MALRD1: variants seen among roughly 807,000 people sequenced by gnomAD.
MALRD1 encodes the protein MAM and LDL-receptor class A domain-containing protein 1.
A neutral mutation model predicts 242.1 loss-of-function variants in MALRD1; 247 were observed. The ratio of observed to expected loss-of-function variants is 1.02; its 90% CI spans 0.92 to 1.13. The LOEUF is 1.13. Ranked by LOEUF, MALRD1 falls within the 50% of genes most tolerant of loss-of-function variation. The pLI is 0.00. For missense variants in MALRD1, 2,989 were observed against 2,533.1 expected, an observed-to-expected ratio of 1.18 and a Z score of -3.86; for synonymous variants, 995 against 866.6, an observed-to-expected ratio of 1.15 and a Z score of -2.60.
chr10:19,464,045 C>G (rs968000957), intron 29 of MALRD1, among the ~76,000 whole-genome samples: 1 of 152,058 alleles, frequency 6.6e-6, no homozygotes, highest in Non-Finnish European at 1.5e-5. Context: ...ATGTCCTTAG[C>G]CTACTTTTTG....
Position 19,340,848 on chromosome 10 carries a change from C to T in MALRD1, c.3902-6923C>T, listed in dbSNP as rs1279709012. Among the ~76,000 whole-genome samples the T allele has an allele frequency of 6.6e-5, 10 of 152,152 alleles. No homozygotes were observed. The East Asian group carries it at 1.4e-3, about 21-fold the overall frequency. ...AACTCACCTCTACTTAAATTTTGGT[C>T]TAGAGAGCATCAGCATCTTTGCCAG... On this transcript the variant is annotated intron_variant, in intron 24 of 39. Transcript: ENST00000454679.
intron 36 of MALRD1, among the ~76,000 whole-genome samples, chr10:19,632,334 A>G (rs1336724572): frequency 2.0e-5 from 3 of 152,104 alleles, no homozygotes; most frequent in Non-Finnish European, 4.4e-5. Context: ...TCCAGTTGCT[A>G]TCTTCCGTAG....
chr10:19,415,718 C>G (rs1833491006), intron 28 of MALRD1, among the ~76,000 whole-genome samples: 1 of 151,688 alleles, frequency 6.6e-6, no homozygotes. Context: ...TTTAAAAGAC[C>G]CTAGGACAGC....
chr10:19,279,978 T>G, intron 19 of MALRD1, 69 bp from the exon 20 acceptor site: 5 of 1,253,230 alleles, frequency 4.0e-6, no homozygotes, highest in Non-Finnish European at 4.2e-6. Flanking sequence ...CTTCATTGTG[T>G]AAAATCTCTA....
intron 1 of MALRD1, among the ~76,000 whole-genome samples, chr10:19,051,118 A>G (rs1028769950): frequency 5.3e-5 from 8 of 152,240 alleles, no homozygotes; most frequent in African/African-American, 1.7e-4. Context: ...ATCTGCAGAT[A>G]AAAATTGAGA....
At chr10:19,424,771 T>G (rs1482841056) in intron 28 of MALRD1, among the ~76,000 whole-genome samples, 1 of 152,266 alleles carries the variant, frequency 6.6e-6, no homozygotes, top group Non-Finnish European at 1.5e-5. Flanking sequence ...TCTCTAAGTC[T>G]TGATACAGCT....
At chr10:19,287,384 A>G (rs1046703844) in intron 21 of MALRD1, among the ~76,000 whole-genome samples, 1 of 151,782 alleles carries the variant, frequency 6.6e-6, no homozygotes, top group Non-Finnish European at 1.5e-5. Context: ...CCAAATTCCT[A>G]TTTCTCTCCC....
chr10:19,558,339 A>T (rs913845735), intron 32 of MALRD1, among the ~76,000 whole-genome samples: 1 of 152,104 alleles, frequency 6.6e-6, no homozygotes, highest in African/African-American at 2.4e-5. Flanking sequence ...GAAAATGGCT[A>T]GTTTTTCACT....
chr10:19,293,516 A>G (rs988336215), intron 21 of MALRD1, among the ~76,000 whole-genome samples: 6 of 152,192 alleles, frequency 3.9e-5, no homozygotes, highest in Non-Finnish European at 8.8e-5. Flanking sequence ...AAATTAAATC[A>G]CTTTAATTTT....
In MALRD1 at chr10:19,734,411, G is replaced by A; in HGVS notation, c.*174G>A. The A allele has an allele frequency of 2.0e-6, 1 of 490,288 alleles. No homozygotes were observed. Among genetic ancestry groups the A allele is most frequent in the Non-Finnish European group, 3.5e-6 (1 of 283,258 alleles). 30.4% of individuals were successfully genotyped at this position (490,288 alleles called of 1,614,324 possible). A position where few individuals can be genotyped will look rare whatever the true frequency, so the allele number is the denominator to read the frequency against. ...TGCAGAATATAGAGAATGTTTATAT[G>A]GAATCAGAATCAGTACCTTATCTTC... On this transcript the variant is annotated 3_prime_UTR_variant, in exon 40 of 40. Transcript: ENST00000454679.
intron 14 of MALRD1, among the ~76,000 whole-genome samples, chr10:19,186,323 G>A (rs998874404): frequency 2.0e-5 from 3 of 152,120 alleles, no homozygotes; most frequent in Admixed American, 2.0e-4. Context: ...TTCTGGTGAA[G>A]GCTCATCATT....
At chr10:19,102,513 C>T (rs530397001) in intron 4 of MALRD1, among the ~76,000 whole-genome samples, 2 of 151,940 alleles carry the variant, frequency 1.3e-5, no homozygotes, top group East Asian at 3.9e-4. Flanking sequence ...AAAGAATTTC[C>T]CATAGAAAAA....
chr10:19,272,939 C>T (rs1273604464), intron 19 of MALRD1, among the ~76,000 whole-genome samples: 1 of 152,130 alleles, frequency 6.6e-6, no homozygotes, highest in Admixed American at 6.6e-5. Context: ...CATTGATGGA[C>T]ATTTGGGTTG....
chr10:19,560,136 G>A (rs1278592077), intron 32 of MALRD1, among the ~76,000 whole-genome samples: 2 of 152,110 alleles, frequency 1.3e-5, no homozygotes, highest in Admixed American at 6.6e-5. Flanking sequence ...TCCCATTACT[G>A]GGTATATACC....
At chr10:19,216,629 T>C (rs562876300) in intron 18 of MALRD1, among the ~76,000 whole-genome samples, 1 of 152,264 alleles carries the variant, frequency 6.6e-6, no homozygotes, top group South Asian at 2.1e-4. Flanking sequence ...TTCATCCCCA[T>C]GTTATCAGTA....
rs562441192 is a variant in MALRD1 at position 19,199,593 on chromosome 10, G to A, written c.1952-4135G>A. Among the ~76,000 whole-genome samples, 25 of 152,198 alleles carry A rather than the reference G, an allele frequency of 1.6e-4. No individual in the cohort carries two copies. The East Asian group carries it at 4.5e-3, about 27-fold the overall frequency. ...AGGCGGGTGGATCACTTGAGGTCAG[G>A]AGTTCAAAACCAGCCTGGCCAACAT... On this transcript the variant is annotated intron_variant, in intron 14 of 39. Transcript: ENST00000454679.
intron 36 of MALRD1, among the ~76,000 whole-genome samples, chr10:19,672,639 A>T (rs749973844): frequency 4.1e-4 from 63 of 151,884 alleles, no homozygotes; most frequent in Non-Finnish European, 7.5e-4. Context: ...GGCCGGGCTG[A>T]AGTCGAACTC....
chr10:19,295,569 T>C (rs1841657000), intron 21 of MALRD1, among the ~76,000 whole-genome samples: 1 of 151,986 alleles, frequency 6.6e-6, no homozygotes, highest in Admixed American at 6.6e-5. Context: ...GATATTTGTA[T>C]GTAGACAGGT....
intron 18 of MALRD1, among the ~76,000 whole-genome samples, chr10:19,223,746 T>G (rs997426627): frequency 7.9e-5 from 12 of 152,104 alleles, no homozygotes; most frequent in Non-Finnish European, 1.5e-4. Flanking sequence ...CCCCTCCCTG[T>G]GTCTATGTGT....
Sources: gnomAD v4.1 joint callset for allele counts (sites outside exome capture counted in the v4.1 genomes callset) on GRCh38, gnomAD v4.1.1 for gene constraint, MANE v1.5 for transcripts, NCBI Gene and HGNC (gene_info 2026-07-23, HGNC 2026-07-21) for gene names.